Variants in DIAPH3 observed in about 807,000 individuals in gnomAD.
DIAPH3 encodes the protein diaphanous related formin 3.
Under a neutral mutation model 144.3 loss-of-function variants are expected in DIAPH3, and 117 were observed. That is an observed-to-expected ratio of 0.81 (90% CI 0.70 to 0.95). The LOEUF is 0.95. DIAPH3 is among the 40% of genes least tolerant of loss of function. DIAPH3 has a pLI of 0.00. For missense variants in DIAPH3, 1,421 were observed against 1,412.7 expected (o/e 1.01, Z -0.09); for synonymous variants, 519 against 488.9 (o/e 1.06, Z -0.81).
At chr13:59,718,929 C>A (rs930364695) in intron 27 of DIAPH3, among the ~76,000 whole-genome samples, 2 of 151,876 alleles carry the variant, frequency 1.3e-5, no homozygotes, top group African/African-American at 2.4e-5. Flanking sequence ...TAGCCCCCCC[C>A]ACCTAACTGA....
chr13:59,795,648 T>G (rs1018461126), intron 25 of DIAPH3, among the ~76,000 whole-genome samples: 10 of 151,944 alleles, frequency 6.6e-5, no homozygotes, highest in African/African-American at 2.4e-4. Flanking sequence ...AGACACAGGG[T>G]TTCACTGTGC....
chr13:59,979,734 T>C (rs2050882259), intron 14 of DIAPH3, among the ~76,000 whole-genome samples: 1 of 151,654 alleles, frequency 6.6e-6, no homozygotes, highest in Admixed American at 6.6e-5. Flanking sequence ...TCAAGATACA[T>C]TTAGTATCTG....
intron 27 of DIAPH3, among the ~76,000 whole-genome samples, chr13:59,734,605 C>T (rs1428208410): frequency 1.3e-5 from 2 of 152,116 alleles, no homozygotes; most frequent in Admixed American, 1.3e-4. Context: ...TCAATTATAA[C>T]AGCCGCTGCT....
chr13:60,117,959 G>A (rs2058741238), intron 2 of DIAPH3, among the ~76,000 whole-genome samples: 1 of 152,076 alleles, frequency 6.6e-6, no homozygotes, highest in African/African-American at 2.4e-5. Context: ...ACCCAGAGAG[G>A]TGAAGTATAC....
At chr13:59,820,305 C>T (rs1460797713) in intron 24 of DIAPH3, among the ~76,000 whole-genome samples, 2 of 151,884 alleles carry the variant, frequency 1.3e-5, no homozygotes, top group Admixed American at 6.6e-5. Context: ...AGCTGCATCA[C>T]TTGGCAGGAA....
intron 24 of DIAPH3, among the ~76,000 whole-genome samples, chr13:59,830,194 A>C (rs1260242281): frequency 6.6e-6 from 1 of 151,860 alleles, no homozygotes; most frequent in Non-Finnish European, 1.5e-5. Context: ...ACCCTGACAA[A>C]ACGAGACATT....
intron 25 of DIAPH3, among the ~76,000 whole-genome samples, chr13:59,802,677 T>TATTTA (rs1593901281): frequency 1.5e-5 from 1 of 67,518 alleles, no homozygotes; most frequent in Non-Finnish European, 3.1e-5. Flanking sequence ...ATTTTTTTTT[T>TATTTA]TTTTTTTTTT....
At chr13:60,106,675 A>C (rs1293821572) in intron 3 of DIAPH3, among the ~76,000 whole-genome samples, 1 of 152,178 alleles carries the variant, frequency 6.6e-6, no homozygotes, top group African/African-American at 2.4e-5. Flanking sequence ...ACAAATCAAT[A>C]TGAAAAAGAC....
chr13:60,139,887 T>C (rs905174621), intron 1 of DIAPH3, among the ~76,000 whole-genome samples: 3 of 152,216 alleles, frequency 2.0e-5, no homozygotes, highest in Admixed American at 1.3e-4. Flanking sequence ...TCACCTATAC[T>C]ACCAGATGAA....
chr13:59,729,816 T>TTTTTTTTA (rs2035807341), intron 27 of DIAPH3, among the ~76,000 whole-genome samples: 1 of 145,100 alleles, frequency 6.9e-6, no homozygotes, highest in South Asian at 2.3e-4. Flanking sequence ...TAATATTTTT[T>TTTTTTTTA]TTTTTTTTTT....
At chr13:60,032,751 T>C (rs2054898899) in intron 5 of DIAPH3, among the ~76,000 whole-genome samples, 1 of 152,264 alleles carries the variant, frequency 6.6e-6, no homozygotes, top group African/African-American at 2.4e-5. Flanking sequence ...TCTTAGACAT[T>C]AACTCTTGGC....
At chr13:59,842,990 A>T (rs186464408) in intron 22 of DIAPH3, among the ~76,000 whole-genome samples, 14 of 152,230 alleles carry the variant, frequency 9.2e-5, no homozygotes, top group Admixed American at 2.6e-4. Flanking sequence ...TTTGTGATTG[A>T]GCTCAATCTT....
chr13:59,840,800 G>T (rs2042298134), intron 22 of DIAPH3, among the ~76,000 whole-genome samples: 1 of 134,708 alleles, frequency 7.4e-6, no homozygotes, highest in Non-Finnish European at 1.6e-5. Flanking sequence ...TTACACTCAT[G>T]CATATTTTCT....
intron 25 of DIAPH3, among the ~76,000 whole-genome samples, chr13:59,776,412 G>A (rs1259711274): frequency 1.3e-5 from 2 of 151,962 alleles, no homozygotes; most frequent in African/African-American, 4.8e-5. Flanking sequence ...CAGACAAATA[G>A]CTATTTGAAA....
At chr13:59,833,533 CTT>C (rs753856266) in intron 23 of DIAPH3, among the ~76,000 whole-genome samples, 17 of 151,814 alleles carry the variant, frequency 1.1e-4, no homozygotes, top group African/African-American at 2.9e-4. Context: ...TTTAAAAAAT[CTT>C]TCTTCCAACT....
chr13:59,731,953 A>G (rs1202205621), intron 27 of DIAPH3, among the ~76,000 whole-genome samples: 1 of 152,182 alleles, frequency 6.6e-6, no homozygotes, highest in African/African-American at 2.4e-5. Flanking sequence ...TTAAAAGCCT[A>G]GTATTATGAG....
chr13:60,152,812 C>T (rs1365196945), intron 1 of DIAPH3, among the ~76,000 whole-genome samples: 2 of 109,020 alleles, frequency 1.8e-5, no homozygotes, highest in Non-Finnish European at 3.9e-5. Flanking sequence ...ACATTGTATA[C>T]ATCCTTCACT....
At chr13:59,945,696 A>C (rs886234032) in intron 17 of DIAPH3, among the ~76,000 whole-genome samples, 2 of 152,088 alleles carry the variant, frequency 1.3e-5, no homozygotes, top group Non-Finnish European at 2.9e-5. Context: ...CTGAGAAGAA[A>C]TAGTCCTTAA....
chr13:60,140,097 A>G (rs758202803), intron 1 of DIAPH3, among the ~76,000 whole-genome samples: 6 of 152,208 alleles, frequency 3.9e-5, no homozygotes, highest in Non-Finnish European at 8.8e-5. Flanking sequence ...CGCAACTACT[A>G]AATTACTTCT....
Sources: allele counts gnomAD v4.1 joint callset (sites outside exome capture counted in the v4.1 genomes callset), GRCh38; gene constraint gnomAD v4.1.1; transcripts MANE v1.5; gene names NCBI Gene and HGNC (gene_info 2026-07-23, HGNC 2026-07-21).